PALLD: variants seen among roughly 807,000 people sequenced by gnomAD.
PALLD encodes the protein palladin.
A neutral mutation model predicts 123.5 loss-of-function variants in PALLD; 61 were observed. The observed-to-expected ratio is 0.49, with a 90% CI of 0.40 to 0.61. The LOEUF (loss-of-function observed/expected upper bound fraction) is 0.61. Among genes scored for constraint, PALLD ranks in the 20% least tolerant of loss-of-function variants. The probability of loss-of-function intolerance (pLI) is 0.00; values close to 1 mark genes in which losing one functional copy is unlikely to be tolerated. For missense variants in PALLD, 1,273 were observed against 1,377.0 expected (o/e 0.92, Z 1.20); for synonymous variants, 465 against 496.4 (o/e 0.94, Z 0.84).
rs76840430 is a variant in PALLD at position 168,615,005 on chromosome 4, C to T, written c.909-53185C>T. ...ACAAGGGATAGCTAGAGCCAATAAG[C>T]CCCAGTGCATGGATATTAGGAGGTT... On this transcript the variant is annotated intron_variant, in intron 2 of 21. Transcript: ENST00000505667. 4.2e-3 allele frequency among the ~76,000 whole-genome samples: 637 copies of T among 152,222 alleles called. 7 individuals are homozygous for T. Among genetic ancestry groups the T allele is most frequent in the African/African-American group, 0.015 (613 of 41,520 alleles).
At chr4:168,733,034 G>GA (rs1247602294) in intron 10 of PALLD, among the ~76,000 whole-genome samples, 1 of 152,112 alleles carries the variant, frequency 6.6e-6, no homozygotes, top group Non-Finnish European at 1.5e-5. Flanking sequence ...GTAAGCATAG[G>GA]TTCTTGGTAT....
intron 2 of PALLD, among the ~76,000 whole-genome samples, chr4:168,615,408 C>T (rs534541756): frequency 2.0e-5 from 3 of 152,308 alleles, no homozygotes; most frequent in East Asian, 1.9e-4. Flanking sequence ...GAAGACATTT[C>T]TCCTTACAAT....
intron 3 of PALLD, among the ~76,000 whole-genome samples, chr4:168,680,141 GTATAAATATGTACATAAA>G (rs949654249): frequency 1.2e-4 from 19 of 152,088 alleles, no homozygotes; most frequent in African/African-American, 4.6e-4. Context: ...GAATCCATTT[GTATAAATATGTACATAAA>G]TGTAAATATG....
At chr4:168,603,563 C>A (rs577597252) in intron 2 of PALLD, among the ~76,000 whole-genome samples, 9 of 152,286 alleles carry the variant, frequency 5.9e-5, no homozygotes, top group African/African-American at 2.2e-4. Context: ...TTAGGCACAG[C>A]TGCTTAAATG....
At chr4:168,670,435 A>T (rs567888800) in intron 3 of PALLD, among the ~76,000 whole-genome samples, 70 of 152,264 alleles carry the variant, frequency 4.6e-4, no homozygotes, top group African/African-American at 1.6e-3. Context: ...ACATTTTTTT[A>T]AAAAAAGCCG....
At chr4:168,804,278 T>C (rs1023056565) in intron 10 of PALLD, among the ~76,000 whole-genome samples, 4 of 152,244 alleles carry the variant, frequency 2.6e-5, no homozygotes, top group African/African-American at 9.6e-5. Flanking sequence ...CCCTGGGATA[T>C]GGCTCCATAT....
intron 6 of PALLD, among the ~76,000 whole-genome samples, chr4:168,689,429 A>ATTTT (rs1782397611): frequency 2.6e-5 from 2 of 77,910 alleles, no homozygotes; most frequent in Non-Finnish European, 5.6e-5. Flanking sequence ...TCGATCCAAT[A>ATTTT]TTCTTTTTTT....
At chr4:168,775,943 A>G (rs1735117626) in intron 10 of PALLD, among the ~76,000 whole-genome samples, 1 of 152,188 alleles carries the variant, frequency 6.6e-6, no homozygotes, top group Non-Finnish European at 1.5e-5. Context: ...GCTTTACAGT[A>G]CATCTTAAAA....
intron 10 of PALLD, among the ~76,000 whole-genome samples, chr4:168,745,850 T>C (rs1221867419): frequency 2.6e-5 from 4 of 152,200 alleles, no homozygotes; most frequent in Non-Finnish European, 5.9e-5. Context: ...GCTTGAGGAC[T>C]ATATGCAGGA....
intron 10 of PALLD, among the ~76,000 whole-genome samples, chr4:168,819,469 C>T (rs76348154): frequency 3.9e-5 from 6 of 152,052 alleles, no homozygotes; most frequent in Non-Finnish European, 2.9e-5. Context: ...AGAGAAGATT[C>T]AGAGCACCTG....
intron 2 of PALLD, among the ~76,000 whole-genome samples, chr4:168,522,182 T>C (rs1476166566): frequency 6.6e-6 from 1 of 152,244 alleles, no homozygotes; most frequent in African/African-American, 2.4e-5. Context: ...TAGAGTTAAT[T>C]GAAAGTGGTT....
At chr4:168,907,680 T>C (rs367813633) in intron 15 of PALLD, among the ~76,000 whole-genome samples, 4 of 152,320 alleles carry the variant, frequency 2.6e-5, no homozygotes, top group South Asian at 2.1e-4. Flanking sequence ...AATCCCAGGC[T>C]GAGCCCCATG....
intron 10 of PALLD, among the ~76,000 whole-genome samples, chr4:168,802,660 C>G (rs1388217925): frequency 6.6e-6 from 1 of 152,086 alleles, no homozygotes; most frequent in Non-Finnish European, 1.5e-5. Flanking sequence ...TAAATGACCA[C>G]TTCTCCCAGC....
intron 2 of PALLD, among the ~76,000 whole-genome samples, chr4:168,634,184 C>T (rs1484677304): frequency 2.0e-5 from 3 of 152,176 alleles, no homozygotes; most frequent in East Asian, 1.9e-4. Context: ...TTCACTTGGA[C>T]GTCCTTTCAA....
intron 10 of PALLD, among the ~76,000 whole-genome samples, chr4:168,780,128 A>G (rs151214502): frequency 0.01 from 1,572 of 152,230 alleles, 11 homozygotes; most frequent in Middle Eastern, 0.031. Context: ...CGAACTCCTG[A>G]CCTCAAGTGA....
chr4:168,543,943 T>G (rs1332337624), intron 2 of PALLD, among the ~76,000 whole-genome samples: 1 of 152,248 alleles, frequency 6.6e-6, no homozygotes, highest in African/African-American at 2.4e-5. Context: ...TGTGTATACA[T>G]GAAGATGTAC....
At chr4:168,670,613 G>A (rs1322634014) in intron 3 of PALLD, among the ~76,000 whole-genome samples, 41 of 150,472 alleles carry the variant, frequency 2.7e-4, no homozygotes, top group African/African-American at 9.1e-4. Context: ...GGCGCCTGTA[G>A]TCCCAGCTAC....
intron 10 of PALLD, among the ~76,000 whole-genome samples, chr4:168,851,512 C>T (rs773816877): frequency 6.6e-5 from 10 of 152,092 alleles, no homozygotes; most frequent in Admixed American, 2.0e-4. Flanking sequence ...GGACTACAGG[C>T]GAGCACCACC....
chr4:168,732,927 C>T (rs1460627082), intron 10 of PALLD, among the ~76,000 whole-genome samples: 2 of 152,144 alleles, frequency 1.3e-5, no homozygotes, highest in Non-Finnish European at 2.9e-5. Context: ...AGAAGACTTA[C>T]AGGGATGTTC....
Sources: gnomAD v4.1 joint callset for allele counts (sites outside exome capture counted in the v4.1 genomes callset) on GRCh38, gnomAD v4.1.1 for gene constraint, MANE v1.5 for transcripts, NCBI Gene and HGNC (gene_info 2026-07-23, HGNC 2026-07-21) for gene names.